The following MAPK14 variants were observed in gnomAD, a reference collection of about 807,000 sequenced individuals.
MAPK14 encodes the protein mitogen-activated protein kinase 14, also known as CSAID-binding protein.
MAPK14 carries 16 observed loss-of-function variants against 49.6 expected under a neutral mutation model. The ratio of observed to expected loss-of-function variants is 0.32; its 90% CI spans 0.22 to 0.49. MAPK14 has a LOEUF of 0.49. Ranked by LOEUF, MAPK14 falls within the 20% of genes least tolerant of loss-of-function variation. The pLI, the probability that MAPK14 is intolerant of heterozygous loss-of-function variation, is 0.99. For missense variants in MAPK14, 200 were observed against 441.2 expected (o/e 0.45, Z 4.90); for synonymous variants, 142 against 158.0 (o/e 0.90, Z 0.76).
intron 2 of MAPK14, 84 bp from the exon 3 acceptor site, chr6:36,059,205 T>A (rs942760760): frequency 3.2e-4 from 259 of 804,034 alleles, no homozygotes; most frequent in Middle Eastern, 7.6e-4. Context: ...CCTGACTCTT[T>A]AAAAAAAAAG....
chr6:36,080,990 G>A lies in MAPK14; in HGVS notation c.682+4382G>A, dbSNP rs186986130. ...ATTTGTATGTCTTCTTTGGAGAAATGTCTATTCAAGTCTTGCCTATTCTTA... is the reference window on the plus strand; with the variant it reads ...ATTTGTATGTCTTCTTTGGAGAAATATCTATTCAAGTCTTGCCTATTCTTA... On this transcript the variant is annotated intron_variant, in intron 8 of 11. Coordinates refer to ENST00000229794, the MANE Select transcript of MAPK14 (RefSeq NM_139012.3). 2.0e-5 allele frequency among the ~76,000 whole-genome samples: 3 copies of A among 152,006 alleles called. No individual in the cohort carries two copies. In the East Asian group the frequency reaches 5.8e-4, roughly 29 times the overall value.
chr6:36,072,790 C>G, intron 3 of MAPK14, 83 bp from the exon 4 acceptor site: 1 of 788,572 alleles, frequency 1.3e-6, no homozygotes, highest in East Asian at 2.6e-5. Context: ...ACCAAAAAAA[C>G]CAAAAAACTT....
In MAPK14 at chr6:36,082,749, G is replaced by C. The variant is rs931671989; in HGVS notation, c.682+6141G>C. Among the ~76,000 whole-genome samples the C allele has an allele frequency of 3.3e-5, 5 of 152,142 alleles. No individual in the cohort carries two copies. In the East Asian group the frequency reaches 9.6e-4, roughly 29 times the overall value. ...ATCAGGCCCCACCTCCAACATTGGGGATCACATTTCAACATACTTGGAGGG... is the reference window on the plus strand; with the variant it reads ...ATCAGGCCCCACCTCCAACATTGGGCATCACATTTCAACATACTTGGAGGG... On this transcript the variant is annotated intron_variant, in intron 8 of 11. Transcript: ENST00000229794.
downstream of MAPK14, among the ~76,000 whole-genome samples, chr6:36,112,710 C>T (rs1490524067): frequency 6.6e-6 from 1 of 151,556 alleles, no homozygotes; most frequent in Non-Finnish European, 1.5e-5. Context: ...TTATTGTTAA[C>T]TGGTCTGAGT....
chr6:36,060,380 G>A (rs939385978), intron 3 of MAPK14, among the ~76,000 whole-genome samples: 6 of 152,134 alleles, frequency 3.9e-5, no homozygotes, highest in Middle Eastern at 3.2e-3. Context: ...TAGTATCTGA[G>A]TTGACACAGC....
rs776000761 is a variant in MAPK14, at chr6:36,037,856, G to A, written c.116+9583G>A. Among the ~76,000 whole-genome samples, 152 of 152,152 alleles carry A rather than the reference G, an allele frequency of 1.0e-3. 1 individual carries two copies. The highest frequency in any genetic ancestry group is 1.2e-3 in the South Asian group (6 of 4,822). On this transcript the variant is annotated intron_variant, in intron 1 of 11. Transcript: ENST00000229794. ...AATAAAAAATTAGGGATGCTTGGTG[G>A]CACACTCCTGTAGTTCCAACTACTT...
chr6:36,124,141 TC>T, the MAPK14 span, among the ~76,000 whole-genome samples: 11 of 42,970 alleles, frequency 2.6e-4, no homozygotes, highest in East Asian at 3.8e-3. Context: ...CCTCCCTCCC[TC>T]CCTCCCTCCC....
intron 1 of MAPK14, among the ~76,000 whole-genome samples, chr6:36,045,268 A>G (rs1763128477): frequency 6.6e-6 from 1 of 152,218 alleles, no homozygotes; most frequent in Non-Finnish European, 1.5e-5. Context: ...CCACTATTAT[A>G]TTCTTTTAAA....
At chr6:36,075,415 G>A (rs1431305411) in intron 6 of MAPK14, among the ~76,000 whole-genome samples, 1 of 151,976 alleles carries the variant, frequency 6.6e-6, no homozygotes, top group Non-Finnish European at 1.5e-5. Flanking sequence ...CCTTTGCTTG[G>A]TGTAATGATT....
chr6:36,107,644 A>G lies in MAPK14; in HGVS notation c.1015+16A>G. On this transcript the variant is annotated intron_variant, in intron 11 of 11. Transcript: ENST00000229794. The surrounding 1 kb of genome is among the most constrained non-coding windows in gnomAD (Gnocchi z 4.3). ...GAGTGGAAAAGTAAGTCCTAAGGGTAGGATTAACATCTTGAACCACTAACC... is the reference window on the plus strand; with the variant it reads ...GAGTGGAAAAGTAAGTCCTAAGGGTGGGATTAACATCTTGAACCACTAACC... 4 of 1,530,364 alleles carry G rather than the reference A, an allele frequency of 2.6e-6. No individual in the cohort carries two copies. The highest frequency in any genetic ancestry group is 3.5e-6 in the Non-Finnish European group (4 of 1,138,280). The allele number at this position is 1,530,364 out of a possible 1,614,324, so 94.8% of individuals were successfully genotyped here.
intron 8 of MAPK14, among the ~76,000 whole-genome samples, chr6:36,087,180 T>C (rs1765019665): frequency 6.6e-6 from 1 of 152,172 alleles, no homozygotes; most frequent in Admixed American, 6.5e-5. Flanking sequence ...CCACAGCCAG[T>C]ATCTTACTGA....
At chr6:36,067,264 C>T (rs138028995) in intron 3 of MAPK14, among the ~76,000 whole-genome samples, 1 of 152,218 alleles carries the variant, frequency 6.6e-6, no homozygotes, top group Non-Finnish European at 1.5e-5. Flanking sequence ...TTGAGTCCTT[C>T]AGCAATCTCT....
At chr6:36,044,930 C>G (rs969486549) in intron 1 of MAPK14, among the ~76,000 whole-genome samples, 3 of 152,048 alleles carry the variant, frequency 2.0e-5, no homozygotes, top group Non-Finnish European at 2.9e-5. Context: ...CCTAGGAGTT[C>G]AAGACCAGCC....
the MAPK14 span, among the ~76,000 whole-genome samples, chr6:36,123,843 T>C: frequency 2.0e-5 from 3 of 152,002 alleles, no homozygotes; most frequent in Non-Finnish European, 2.9e-5. Context: ...GAGGGTGACA[T>C]GTGGGCTGGG....
At chr6:36,086,399 A>G (rs1010470158) in intron 8 of MAPK14, among the ~76,000 whole-genome samples, 2 of 152,170 alleles carry the variant, frequency 1.3e-5, no homozygotes, top group Non-Finnish European at 2.9e-5. Flanking sequence ...AAAATAAAAT[A>G]AAATAGACTC....
At chr6:36,047,392 G>A (rs1763220992) in intron 1 of MAPK14, among the ~76,000 whole-genome samples, 1 of 152,184 alleles carries the variant, frequency 6.6e-6, no homozygotes, top group Non-Finnish European at 1.5e-5. Context: ...CATAGCAGCT[G>A]AGAGAGAGGG....
At chr6:36,076,079 C>G in intron 7 of MAPK14, 117 bp downstream of exon 7, 1 of 1,015,650 alleles carries the variant, frequency 9.8e-7, no homozygotes, top group Non-Finnish European at 1.4e-6. Context: ...CCTCAGTGAT[C>G]CTTTTAAAGC....
At chr6:36,087,508 A>G (rs559178578) in intron 8 of MAPK14, among the ~76,000 whole-genome samples, 1 of 152,232 alleles carries the variant, frequency 6.6e-6, no homozygotes, top group Non-Finnish European at 1.5e-5. Flanking sequence ...AGAGAGCCAA[A>G]TCATGAATGA....
the MAPK14 span, among the ~76,000 whole-genome samples, chr6:36,117,613 T>A: frequency 6.6e-6 from 1 of 152,154 alleles, no homozygotes; most frequent in Non-Finnish European, 1.5e-5. Context: ...GAAAAACATA[T>A]AAAGGTTAAG....
Sources: gnomAD v4.1 joint callset for allele counts (sites outside exome capture counted in the v4.1 genomes callset) on GRCh38, gnomAD v4.1.1 for gene constraint, Gnocchi (gnomAD v3.1) non-coding constraint, MANE v1.5 for transcripts, NCBI Gene and HGNC (gene_info 2026-07-23, HGNC 2026-07-21) for gene names.